Variants in ASTE1 observed in about 807,000 individuals in gnomAD.
The protein encoded by ASTE1 is asteroid structure-specific endonuclease 1.
In ASTE1, 49 loss-of-function variants were observed where a neutral mutation model predicts 45.8. That is an observed-to-expected ratio of 1.07 (90% CI 0.85 to 1.36). ASTE1 has a LOEUF of 1.36. Ranked by LOEUF, ASTE1 falls within the 40% of genes most tolerant of loss-of-function variation. The pLI is 0.00. For missense variants in ASTE1, 709 were observed against 804.0 expected (o/e 0.88, Z 1.43); for synonymous variants, 296 against 303.9 (o/e 0.97, Z 0.27).
intron 4 of ASTE1, among the ~76,000 whole-genome samples, chr3:131,018,108 A>ATAAGT (rs1327114959): frequency 1.3e-5 from 2 of 152,128 alleles, no homozygotes; most frequent in Non-Finnish European, 2.9e-5. Context: ...AGGTATTTAG[A>ATAAGT]TAAGTTTCAC....
rs1577117910 is a variant in ASTE1 at position 131,025,539 on chromosome 3, A to G, written c.-91T>C. The G allele has an allele frequency of 9.6e-6, 6 of 626,864 alleles. No individual in the cohort carries two copies. The East Asian group carries it at 1.9e-4, about 20-fold the overall frequency. The allele number at this position is 626,864 out of a possible 1,614,324, so 38.8% of individuals were successfully genotyped here. A position where few individuals can be genotyped will look rare whatever the true frequency, so the allele number is the denominator to read the frequency against. On this transcript the variant is annotated 5_prime_UTR_variant, in exon 2 of 6. Transcript: ENST00000264992. ...CTTTGCTTTCTGATACAAGGCACAA[A>G]TTCAATGGTTTCATGGGTTGTAATC...
At chr3:131,020,543 A>G (rs1669629468) in intron 3 of ASTE1, among the ~76,000 whole-genome samples, 1 of 151,792 alleles carries the variant, frequency 6.6e-6, no homozygotes, top group Non-Finnish European at 1.5e-5. Flanking sequence ...ACCCTATCCC[A>G]TGTGGTTATT....
rs781531332 is a variant in ASTE1, at chr3:131,024,633, T to G, written c.674A>C (p.Asp225Ala). 6.2e-7 allele frequency: 1 copy of G among 1,601,936 alleles called. No individual in the cohort carries two copies. Among genetic ancestry groups the G allele is most frequent in the Non-Finnish European group, 8.5e-7 (1 of 1,173,688 alleles). Reference protein sequence around the residue: ...LPLFAVLCGNDHVNLPIMETF... With the variant: ...LPLFAVLCGNAHVNLPIMETF... ...CTCCATGATGGGTAGATTAACATGG[T>G]CATTTCCACATAGCACCGCAAAGAG... Residue 225 changes from aspartate to alanine, a missense_variant, in exon 3 of 6, where the codon GAC (aspartate) becomes GCC (alanine). Asp to Ala is a moderately radical substitution (Grantham distance 126). Transcript: ENST00000264992.
intron 4 of ASTE1, among the ~76,000 whole-genome samples, chr3:131,017,844 C>T (rs1212459956): frequency 6.6e-6 from 1 of 151,790 alleles, no homozygotes; most frequent in African/African-American, 2.4e-5. Context: ...GTGACAGGCA[C>T]CTGTAATCCC....
chr3:131,022,781 A>G (rs983450733), intron 3 of ASTE1, among the ~76,000 whole-genome samples: 3 of 152,128 alleles, frequency 2.0e-5, no homozygotes, highest in Non-Finnish European at 4.4e-5. Context: ...CTCATTCACT[A>G]TGACATTCAT....
chr3:131,015,588 A>C (rs1331855839), intron 5 of ASTE1, among the ~76,000 whole-genome samples: 1 of 152,122 alleles, frequency 6.6e-6, no homozygotes, highest in Non-Finnish European at 1.5e-5. Context: ...TTGGGCATCT[A>C]CTCATCATCT....
At chr3:131,020,518 CAT>C (rs1475757215) in intron 3 of ASTE1, among the ~76,000 whole-genome samples, 1 of 152,192 alleles carries the variant, frequency 6.6e-6, no homozygotes, top group Non-Finnish European at 1.5e-5. Flanking sequence ...TTGCAACTAA[CAT>C]AACCAAAATG....
At chr3:131,018,399 T>C in intron 4 of ASTE1, 107 bp downstream of exon 4, 1 of 1,104,572 alleles carries the variant, frequency 9.1e-7, no homozygotes, top group South Asian at 1.5e-5. Flanking sequence ...TGTGATACAA[T>C]TAATGGGAGT....
At chr3:131,016,036 T>A in intron 5 of ASTE1, 108 bp downstream of exon 5, 1 of 1,339,004 alleles carries the variant, frequency 7.5e-7, no homozygotes, top group Non-Finnish European at 1.0e-6. Flanking sequence ...AGTTTTTTTT[T>A]GTTTTGGTTT....
At chr3:131,020,279 G>T (rs2063724787) in intron 3 of ASTE1, among the ~76,000 whole-genome samples, 1 of 152,190 alleles carries the variant, frequency 6.6e-6, no homozygotes, top group Non-Finnish European at 1.5e-5. Context: ...AAAAGGGGAA[G>T]TACTCAACTC....
At position 131,014,190 on chromosome 3, in the gene ASTE1, T is replaced by C. The variant is rs747906431; in HGVS notation, c.1907A>G (p.Gln636Arg). Residue 636 changes from glutamine (Q) to arginine (R), a missense_variant, in exon 6 of 6, where the codon CAG becomes CGG. Transcript: ENST00000264992. ...SNSKKKRQKK[Q>R]NTSCSKNRGR... Reference sequence around the variant, plus strand: ...TCTGTTCTTAGAACAGCTGGTATTCTGTTTCTTCTGCCTTTTTTTTTTTGA... The same window carrying C: ...TCTGTTCTTAGAACAGCTGGTATTCCGTTTCTTCTGCCTTTTTTTTTTTGA... 1.2e-6 allele frequency: 2 copies of C among 1,613,974 alleles called. No individual in the cohort carries two copies. The highest frequency in any genetic ancestry group is 4.5e-5 in the East Asian group (2 of 44,882).
At chr3:131,016,450 C>T in intron 4 of ASTE1, 111 bp from the exon 5 acceptor site, 1 of 1,248,350 alleles carries the variant, frequency 8.0e-7, no homozygotes. Context: ...TTTAAAAAAA[C>T]TAAGATGTTT....
At position 131,024,594 on chromosome 3, in the gene ASTE1, T is replaced by C; in HGVS notation, c.713A>G (p.Lys238Arg). ...GGTAGCTCCAAGAGGAAGACGCGCT[T>C]TACTTAAGAATGTCTCCATGATGGG... ...NLPIMETFLSKARLPLGATSS... is the reference protein window; with the variant it reads ...NLPIMETFLSRARLPLGATSS... The change falls in exon 3 of 6, where the codon AAA becomes AGA. Residue 238 changes from lysine (K) to arginine (R), a missense_variant. Transcript: ENST00000264992. 1 of 1,612,458 alleles carries C rather than the reference T, an allele frequency of 6.2e-7. No homozygotes were observed. Among genetic ancestry groups the C allele is most frequent in the Non-Finnish European group, 8.5e-7 (1 of 1,179,148 alleles).
At chr3:131,025,378 G>A in intron 2 of ASTE1, 47 bp from the exon 3 acceptor site, 2 of 1,534,494 alleles carry the variant, frequency 1.3e-6, no homozygotes, top group Non-Finnish European at 1.7e-6. Context: ...TAGTTATGGG[G>A]CACCAAGTCA....
chr3:131,016,710 A>G, intron 4 of ASTE1: 1 of 319,926 alleles, frequency 3.1e-6, no homozygotes, highest in Non-Finnish European at 6.0e-6. Flanking sequence ...TCTTTCACCG[A>G]AACTCCCAAG....
chr3:131,024,401 G>A lies in ASTE1; in HGVS notation c.906C>T (p.Ser302=), dbSNP rs145696626. 1.2e-5 allele frequency: 20 copies of A among 1,614,024 alleles called. No homozygotes were observed. The Middle Eastern group carries it at 4.9e-4, about 40-fold the overall frequency. ...GGAAGAAGTCCTGTAGCTTCACCTG[G>A]GACTGTTGGTATTCTTCCATGGAAC... ...LCCSMEEYQQ[S]QVKLQDFFQC... Residue 302 remains serine (S), a synonymous_variant, in exon 3 of 6, where the codon TCC becomes TCT. Transcript: ENST00000264992.
intron 5 of ASTE1, among the ~76,000 whole-genome samples, chr3:131,014,744 G>A (rs1282543784): frequency 6.6e-6 from 1 of 152,156 alleles, no homozygotes; most frequent in African/African-American, 2.4e-5. Flanking sequence ...GTTAGAATAT[G>A]AGAAAATTTA....
At chr3:131,021,324 G>A (rs747085944) in intron 3 of ASTE1, among the ~76,000 whole-genome samples, 8 of 152,052 alleles carry the variant, frequency 5.3e-5, no homozygotes, top group African/African-American at 4.8e-5. Context: ...CATAAGCTGT[G>A]TAATGAAAAA....
rs2063818291 is a variant in ASTE1, at chr3:131,025,338, A to G, written c.-25-7T>C. 1 of 1,571,988 alleles carries G rather than the reference A, an allele frequency of 6.4e-7. No homozygotes were observed. The highest frequency in any genetic ancestry group is 8.6e-7 in the Non-Finnish European group (1 of 1,160,044). On this transcript the variant is annotated splice_region_variant and splice_polypyrimidine_tract_variant and intron_variant, in intron 2 of 5. Transcript: ENST00000264992. ...AGTCTAAAGAATTAATCGCCTGTTT[A>G]AAACAACAGAAAACATTTTCAATTG...
Sources: gnomAD v4.1 joint callset for allele counts (sites outside exome capture counted in the v4.1 genomes callset) on GRCh38, gnomAD v4.1.1 for gene constraint, MANE v1.5 for transcripts, NCBI Gene and HGNC (gene_info 2026-07-23, HGNC 2026-07-21) for gene names.